NELL1: variants seen among roughly 807,000 people sequenced by gnomAD.
NELL1 encodes protein kinase C-binding protein NELL1.
NELL1 carries 76 observed loss-of-function variants against 107.4 expected under a neutral mutation model. That is an observed-to-expected ratio of 0.71 (90% CI 0.59 to 0.86). The LOEUF is 0.86. Among genes scored for constraint, NELL1 ranks in the 40% least tolerant of loss-of-function variants. The pLI is 0.00. For missense variants in NELL1, 1,024 were observed against 1,005.5 expected (o/e 1.02, Z -0.25); for synonymous variants, 353 against 341.2 (o/e 1.03, Z -0.38).
chr11:21,260,653 A>C (rs1057422864), intron 14 of NELL1: 2 of 151,886 alleles, frequency 1.3e-5, no homozygotes, highest in Non-Finnish European at 2.9e-5. Context: ...CCAGCAGACT[A>C]ATAAATATTC....
intron 3 of NELL1, among the ~76,000 whole-genome samples, chr11:20,830,324 G>A (rs752684808): frequency 2.0e-5 from 3 of 152,020 alleles, no homozygotes; most frequent in Non-Finnish European, 4.4e-5. Context: ...GAAGTGAGAA[G>A]GTGTGTTCCT....
At chr11:21,448,682 C>T (rs964755530) in intron 15 of NELL1, among the ~76,000 whole-genome samples, 1 of 152,146 alleles carries the variant, frequency 6.6e-6, no homozygotes, top group Non-Finnish European at 1.5e-5. Context: ...AAATATCAAG[C>T]AATCCTAAAA....
At position 21,176,253 on chromosome 11, in the gene NELL1, G is replaced by A. The variant is rs543023475; in HGVS notation, c.1427-53079G>A. On this transcript the variant is annotated intron_variant, in intron 13 of 19. Transcript: ENST00000357134. ...TGAACCATCCTGCTCAAAATACCAA[G>A]AACCTCACTTTGTTTTGAATTCCAC... is the stretch of plus-strand genomic sequence containing the variant. Among the ~76,000 whole-genome samples the A allele has an allele frequency of 5.5e-4, 84 of 151,980 alleles. 2 individuals carry two copies. The highest frequency in any genetic ancestry group is 2.0e-3 in the African/African-American group (81 of 41,274).
chr11:20,673,421 G>C (rs937679344), intron 1 of NELL1, among the ~76,000 whole-genome samples: 1 of 141,806 alleles, frequency 7.1e-6, no homozygotes, highest in African/African-American at 2.7e-5. Flanking sequence ...TAGTCTGCAT[G>C]GTCCAGAGGA....
intron 15 of NELL1, among the ~76,000 whole-genome samples, chr11:21,451,584 T>C (rs778574415): frequency 1.1e-4 from 16 of 152,086 alleles, no homozygotes; most frequent in Non-Finnish European, 1.5e-4. Flanking sequence ...CAGAAAGAAA[T>C]GAAAAAGGTT....
intron 5 of NELL1, among the ~76,000 whole-genome samples, chr11:20,894,989 TGGCCGGGCGCG>T (rs1849694700): frequency 6.6e-6 from 1 of 150,942 alleles, no homozygotes; most frequent in African/African-American, 2.5e-5. Flanking sequence ...TTATTCCCTC[TGGCCGGGCGCG>T]GTGGCTCACG....
At chr11:21,157,843 A>G (rs2133795421) in intron 13 of NELL1, among the ~76,000 whole-genome samples, 1 of 152,336 alleles carries the variant, frequency 6.6e-6, no homozygotes, top group Non-Finnish European at 1.5e-5. Context: ...ATAGTTGTAA[A>G]GATTGCATAT....
intron 16 of NELL1, among the ~76,000 whole-genome samples, chr11:21,554,173 A>G (rs1054936625): frequency 6.6e-6 from 1 of 151,904 alleles, no homozygotes; most frequent in Non-Finnish European, 1.5e-5. Flanking sequence ...TGGTTAAAGA[A>G]GTATGACTTG....
chr11:20,832,329 T>A (rs1261181062), intron 3 of NELL1, among the ~76,000 whole-genome samples: 1 of 152,230 alleles, frequency 6.6e-6, no homozygotes, highest in African/African-American at 2.4e-5. Context: ...TGAACCAGGC[T>A]TTGTCACAGA....
chr11:21,307,161 C>T (rs145336298), intron 14 of NELL1, among the ~76,000 whole-genome samples: 6 of 151,874 alleles, frequency 4.0e-5, no homozygotes, highest in Non-Finnish European at 7.4e-5. Context: ...CAGGGGACAC[C>T]GTTTTCCTCT....
intron 15 of NELL1, among the ~76,000 whole-genome samples, chr11:21,499,035 T>C (rs1232069459): frequency 2.0e-5 from 3 of 152,118 alleles, no homozygotes; most frequent in African/African-American, 7.2e-5. Flanking sequence ...AATATTCATT[T>C]TTTTATCATT....
At chr11:21,552,004 G>A (rs541209128) in intron 16 of NELL1, among the ~76,000 whole-genome samples, 5,833 of 145,968 alleles carry the variant, frequency 0.04, 401 homozygotes, top group African/African-American at 0.14. Flanking sequence ...GGATGAAATT[G>A]GAAATCATCA....
At chr11:21,264,071 G>GGGGTGTGTGTGTGT (rs1554989861) in intron 14 of NELL1, among the ~76,000 whole-genome samples, 1 of 139,436 alleles carries the variant, frequency 7.2e-6, no homozygotes, top group Non-Finnish European at 1.6e-5. Context: ...TCTACAATGG[G>GGGGTGTGTGTGTGT]GTGTGTGTGT....
intron 12 of NELL1, among the ~76,000 whole-genome samples, chr11:21,016,135 C>G (rs1244677492): frequency 2.0e-5 from 3 of 152,060 alleles, no homozygotes; most frequent in African/African-American, 7.2e-5. Flanking sequence ...CGAAGCCTTA[C>G]CTTTCTTCCT....
chr11:21,510,062 C>T (rs956303484), intron 15 of NELL1, among the ~76,000 whole-genome samples: 2 of 152,148 alleles, frequency 1.3e-5, no homozygotes, highest in Non-Finnish European at 2.9e-5. Flanking sequence ...GGGGCTAAGG[C>T]CTAATTAACA....
chr11:20,962,935 A>G (rs1851318548), intron 12 of NELL1, among the ~76,000 whole-genome samples: 1 of 152,204 alleles, frequency 6.6e-6, no homozygotes, highest in African/African-American at 2.4e-5. Flanking sequence ...CCTAGCATGT[A>G]GGAACATAGC....
At chr11:20,804,366 G>T in intron 3 of NELL1, among the ~76,000 whole-genome samples, 1 of 152,086 alleles carries the variant, frequency 6.6e-6, no homozygotes, top group East Asian at 1.9e-4. Context: ...CTCTCAAGTA[G>T]CTGAGACTAC....
At chr11:21,333,314 C>T (rs929520497) in intron 14 of NELL1, among the ~76,000 whole-genome samples, 1 of 151,984 alleles carries the variant, frequency 6.6e-6, no homozygotes, top group Non-Finnish European at 1.5e-5. Context: ...CATTTACTTC[C>T]TTTCTTTCTA....
chr11:21,281,016 C>A (rs563887781), intron 14 of NELL1, among the ~76,000 whole-genome samples: 1 of 151,692 alleles, frequency 6.6e-6, no homozygotes, highest in East Asian at 2.0e-4. Context: ...CCTCCAACCC[C>A]AGGCTGCACA....
Sources: gnomAD v4.1 joint callset for allele counts (sites outside exome capture counted in the v4.1 genomes callset) on GRCh38, gnomAD v4.1.1 for gene constraint, MANE v1.5 for transcripts, NCBI Gene and HGNC (gene_info 2026-07-23, HGNC 2026-07-21) for gene names.